PRLR: variants seen among roughly 807,000 people sequenced by gnomAD.
PRLR encodes hPRL receptor.
In PRLR, 13 loss-of-function variants were observed where a neutral mutation model predicts 40.2. That is an observed-to-expected ratio of 0.32 (90% CI 0.21 to 0.51). PRLR has a LOEUF of 0.51. Among genes scored for constraint, PRLR ranks in the 20% least tolerant of loss-of-function variants. PRLR has a pLI of 0.97. For missense variants in PRLR, 656 were observed against 747.3 expected (o/e 0.88, Z 1.42); for synonymous variants, 269 against 278.7 (o/e 0.97, Z 0.35).
intron 2 of PRLR, among the ~76,000 whole-genome samples, chr5:35,091,102 G>A (rs373315914): frequency 7.2e-5 from 11 of 152,038 alleles, no homozygotes; most frequent in Non-Finnish European, 8.8e-5. Flanking sequence ...GTGAGCCACC[G>A]TGCCCGGCCA....
At chr5:35,149,742 A>T (rs1471699945) in intron 1 of PRLR, among the ~76,000 whole-genome samples, 2 of 152,244 alleles carry the variant, frequency 1.3e-5, no homozygotes, top group African/African-American at 4.8e-5. Context: ...GACCCAAGAT[A>T]TCAATAATTT....
intron 5 of PRLR, among the ~76,000 whole-genome samples, chr5:35,074,234 G>T (rs1445660140): frequency 6.6e-6 from 1 of 152,100 alleles, no homozygotes; most frequent in Non-Finnish European, 1.5e-5. Flanking sequence ...GCTGAGGCAG[G>T]TGGATCACCT....
chr5:35,162,090 G>A (rs1774691105), intron 1 of PRLR, among the ~76,000 whole-genome samples: 1 of 152,170 alleles, frequency 6.6e-6, no homozygotes, highest in Non-Finnish European at 1.5e-5. Context: ...TGAGTCCTGT[G>A]CATCAAGAAA....
rs900532311 is a variant in PRLR, at chr5:35,180,152, T to C, written c.-106+50116A>G. 2.0e-5 allele frequency among the ~76,000 whole-genome samples: 3 copies of C among 152,210 alleles called. No homozygotes were observed. In the South Asian group the frequency reaches 6.2e-4, roughly 31 times the overall value. Reference sequence around the variant, plus strand: ...CGTTTGCACTCCTATGAGAATCTAATGCTGCTGCTGATCTGACAGGAGGCT... The same window carrying C: ...CGTTTGCACTCCTATGAGAATCTAACGCTGCTGCTGATCTGACAGGAGGCT... On this transcript the variant is annotated intron_variant, in intron 1 of 9. Coordinates refer to ENST00000618457, the MANE Select transcript of PRLR (RefSeq NM_000949.7).
downstream of PRLR, among the ~76,000 whole-genome samples, chr5:35,054,495 A>T (rs1218799495): frequency 1.3e-5 from 2 of 152,200 alleles, no homozygotes; most frequent in Non-Finnish European, 2.9e-5. Context: ...TGAAAATTAA[A>T]TGCTGATAAA....
chr5:35,157,516 T>G (rs1464473765), intron 1 of PRLR, among the ~76,000 whole-genome samples: 1 of 152,200 alleles, frequency 6.6e-6, no homozygotes, highest in African/African-American at 2.4e-5. Context: ...TTATGCCATA[T>G]TCAATGTAAG....
At chr5:35,098,410 T>C (rs1348021602) in intron 2 of PRLR, among the ~76,000 whole-genome samples, 1 of 152,142 alleles carries the variant, frequency 6.6e-6, no homozygotes, top group Non-Finnish European at 1.5e-5. Flanking sequence ...ACAGTCCCCA[T>C]GTAAAGTGAG....
chr5:35,088,033 G>A (rs901080594), intron 3 of PRLR, among the ~76,000 whole-genome samples: 1 of 152,210 alleles, frequency 6.6e-6, no homozygotes, highest in Admixed American at 6.5e-5. Flanking sequence ...GAGCACCAGA[G>A]CAGAAACAGC....
At chr5:35,117,966 G>T in intron 2 of PRLR, 95 bp downstream of exon 2, 1 of 630,224 alleles carries the variant, frequency 1.6e-6, no homozygotes, top group Non-Finnish European at 2.0e-6. Flanking sequence ...ATGATATTCT[G>T]TAAACCAAGA....
intron 2 of PRLR, among the ~76,000 whole-genome samples, chr5:35,099,930 A>G (rs1192267417): frequency 6.6e-6 from 1 of 152,128 alleles, no homozygotes; most frequent in Non-Finnish European, 1.5e-5. Flanking sequence ...TAATCCCGGC[A>G]CTTTGGGAGG....
intron 2 of PRLR, among the ~76,000 whole-genome samples, chr5:35,092,505 C>A (rs73767510): frequency 6.1e-4 from 92 of 151,674 alleles, no homozygotes; most frequent in African/African-American, 2.1e-3. Context: ...ATCCACCGAC[C>A]TTTTTTTTTC....
intron 1 of PRLR, among the ~76,000 whole-genome samples, chr5:35,154,945 C>T (rs1050696681): frequency 4.1e-5 from 6 of 147,316 alleles, no homozygotes; most frequent in Admixed American, 2.7e-4. Flanking sequence ...GATGAGAACG[C>T]GTGGACACAT....
chr5:35,176,503 T>A lies in PRLR; in HGVS notation c.-106+53765A>T, dbSNP rs370802835. On this transcript the variant is annotated intron_variant, in intron 1 of 9. Coordinates refer to ENST00000618457, the MANE Select transcript of PRLR (RefSeq NM_000949.7). ...TTCTTCTGCCTTGAGATTCTGTTAA[T>A]CTATAACCTTACCCCCAACCCCGTG... Among the ~76,000 whole-genome samples the A allele has an allele frequency of 4.8e-3, 733 of 152,312 alleles. 6 individuals are homozygous for A. The highest frequency in any genetic ancestry group is 0.017 in the African/African-American group (706 of 41,570).
At chr5:35,093,317 A>C (rs1199059712) in intron 2 of PRLR, among the ~76,000 whole-genome samples, 7 of 152,000 alleles carry the variant, frequency 4.6e-5, no homozygotes, top group Non-Finnish European at 8.8e-5. Flanking sequence ...ACCACTCCCC[A>C]CTGTCAACCC....
At chr5:35,053,186 C>T (rs943914410), downstream of PRLR, among the ~76,000 whole-genome samples, 2 of 151,858 alleles carry the variant, frequency 1.3e-5, no homozygotes, top group Admixed American at 6.6e-5. Context: ...TCCTGGAAGC[C>T]CAATAAAATA....
rs941325146 is a variant in PRLR, at chr5:35,105,211, G to A, written c.-44+12850C>T. ...ACAGAAAGACATTCACACCAAAACC[G>A]CATCTGTACATCACCATCATCAAAG... On this transcript the variant is annotated intron_variant, in intron 2 of 9. Coordinates refer to ENST00000618457, the MANE Select transcript of PRLR (RefSeq NM_000949.7). Among the ~76,000 whole-genome samples, 24 of 152,116 alleles carry A rather than the reference G, an allele frequency of 1.6e-4. 1 individual carries two copies. The highest frequency in any genetic ancestry group is 5.9e-5 in the Non-Finnish European group (4 of 68,006).
chr5:35,209,509 C>T (rs1776114326), intron 1 of PRLR, among the ~76,000 whole-genome samples: 1 of 152,108 alleles, frequency 6.6e-6, no homozygotes, highest in Non-Finnish European at 1.5e-5. Context: ...ACTGAGCAGT[C>T]CTGGAGGATA....
chr5:35,120,387 C>T (rs978798001), intron 1 of PRLR, among the ~76,000 whole-genome samples: 14 of 152,262 alleles, frequency 9.2e-5, no homozygotes, highest in South Asian at 6.2e-4. Context: ...ATCCTAGCTG[C>T]GCGTGCCATC....
intron 1 of PRLR, among the ~76,000 whole-genome samples, chr5:35,127,656 A>G (rs1773514062): frequency 6.6e-6 from 1 of 152,182 alleles, no homozygotes; most frequent in South Asian, 2.1e-4. Context: ...CCTACAGTGG[A>G]ATTTTATTCA....
Sources: allele counts gnomAD v4.1 joint callset (sites outside exome capture counted in the v4.1 genomes callset), GRCh38; gene constraint gnomAD v4.1.1; transcripts MANE v1.5; gene names NCBI Gene and HGNC (gene_info 2026-07-23, HGNC 2026-07-21).